The following ACOT11 variants were observed in gnomAD, a reference collection of about 807,000 sequenced individuals.
ACOT11 encodes acyl-CoA thioesterase 11.
A neutral mutation model predicts 77.5 loss-of-function variants in ACOT11; 69 were observed. The observed-to-expected ratio is 0.89, with a 90% CI of 0.73 to 1.09. The LOEUF is 1.09. Among genes scored for constraint, ACOT11 ranks in the 50% least tolerant of loss-of-function variants. The pLI is 0.00. For missense variants in ACOT11, 766 were observed against 813.7 expected (o/e 0.94, Z 0.71); for synonymous variants, 279 against 313.0 (o/e 0.89, Z 1.15).
downstream of ACOT11, chr1:54,610,735 ATAAGCAG>A (rs150199047): frequency 0.035 from 34,171 of 982,214 alleles, 801 homozygotes; most frequent in East Asian, 0.17. Context: ...CCAAGGTCTT[ATAAGCAG>A]TAAGCAAAGT....
chr1:54,596,897 A>G (rs531875432), intron 6 of ACOT11, among the ~76,000 whole-genome samples: 7 of 152,334 alleles, frequency 4.6e-5, no homozygotes, highest in South Asian at 2.1e-4. Context: ...CTTTGTGACA[A>G]TAATCACATT....
In ACOT11 at chr1:54,626,785, C is replaced by A. The variant is rs1330455482; in HGVS notation, c.1630-3949C>A. On this transcript the variant is annotated intron_variant, in intron 15 of 16. Coordinates refer to the ACOT11 transcript ENST00000371316. ...TTACGGTCCATGAGGGCACCCCCTG[C>A]ACAAACCATTCTCATTTTGGAACTG... 1.5e-5 allele frequency among the ~76,000 whole-genome samples: 2 copies of A among 135,464 alleles called. 1 individual carries two copies. The highest frequency in any genetic ancestry group is 3.3e-5 in the Non-Finnish European group (2 of 59,726). The allele number at this position is 135,464 out of a possible 152,430, so 88.9% of individuals were successfully genotyped here.
intron 15 of ACOT11, chr1:54,616,090 G>A (rs772698420): frequency 1.2e-6 from 2 of 1,614,050 alleles, no homozygotes; most frequent in Non-Finnish European, 1.7e-6. Context: ...TAGTGGGGGG[G>A]TGTGCCATGA....
intron 3 of ACOT11, among the ~76,000 whole-genome samples, chr1:54,589,255 G>A (rs1384148216): frequency 5.3e-5 from 8 of 149,734 alleles, no homozygotes; most frequent in Admixed American, 3.3e-4. Context: ...GACCTCAGGT[G>A]ATCTGCTTAC....
chr1:54,604,330 C>G lies in ACOT11; in HGVS notation c.1153-16C>G. The G allele has an allele frequency of 6.2e-7, 1 of 1,612,374 alleles. No homozygotes were observed. The highest frequency in any genetic ancestry group is 8.5e-7 in the Non-Finnish European group (1 of 1,178,924). On this transcript the variant is annotated splice_polypyrimidine_tract_variant and intron_variant, in intron 11 of 15. Transcript: ENST00000343744. ...GAAGGGGGTGGGGTAGTGGTAGCAC[C>G]TGTGTACTCTTTCAGGTGTACCTGA... is the stretch of plus-strand genomic sequence containing the variant.
chr1:54,591,638 A>C (rs1654717510), intron 3 of ACOT11, among the ~76,000 whole-genome samples: 1 of 152,212 alleles, frequency 6.6e-6, no homozygotes, highest in Admixed American at 6.5e-5. Flanking sequence ...TCCTCCCCAC[A>C]GTCCATCAGC....
chr1:54,564,965 C>T (rs1285541102), intron 1 of ACOT11, among the ~76,000 whole-genome samples: 2 of 152,122 alleles, frequency 1.3e-5, no homozygotes, highest in Non-Finnish European at 2.9e-5. Context: ...GAGGAAGGGG[C>T]CCAAGCATAA....
intron 1 of ACOT11, among the ~76,000 whole-genome samples, chr1:54,568,454 T>C (rs1296868678): frequency 7.3e-6 from 1 of 136,980 alleles, no homozygotes; most frequent in Non-Finnish European, 1.5e-5. Flanking sequence ...AACCTCCACC[T>C]CCTGGGTTCA....
chr1:54,609,674 C>G lies in ACOT11; in HGVS notation c.*562C>G. 3 of 1,614,032 alleles carry G rather than the reference C, an allele frequency of 1.9e-6. No individual in the cohort carries two copies. The highest frequency in any genetic ancestry group is 2.5e-6 in the Non-Finnish European group (3 of 1,180,030). On this transcript the variant is annotated 3_prime_UTR_variant, in exon 16 of 16. Transcript: ENST00000343744. ...AGCCACATGGCCGGGGACCGAAAAA[C>G]TCCCGTGGGAGATTTTGGCCCCAAC...
intron 2 of ACOT11, 123 bp from the exon 3 acceptor site, chr1:54,585,712 G>T (rs991434304): frequency 6.0e-6 from 5 of 835,208 alleles, no homozygotes; most frequent in South Asian, 1.6e-5. Context: ...TGGCAGCAGG[G>T]TGTGGTGGGA....
intron 1 of ACOT11, among the ~76,000 whole-genome samples, chr1:54,565,460 C>T (rs1367370671): frequency 6.6e-6 from 1 of 152,196 alleles, no homozygotes; most frequent in Non-Finnish European, 1.5e-5. Flanking sequence ...TGCTGCACTC[C>T]TGCCAGGCTC....
At chr1:54,631,464 T>C (rs1435450785) in intron 16 of ACOT11, among the ~76,000 whole-genome samples, 1 of 152,224 alleles carries the variant, frequency 6.6e-6, no homozygotes, top group Non-Finnish European at 1.5e-5. Flanking sequence ...ACGCTCTTAC[T>C]TGAGCTTGTG....
rs374971961 is a variant in ACOT11 at position 54,609,263 on chromosome 1, G to A, written c.*151G>A. 5.6e-6 allele frequency: 9 copies of A among 1,600,692 alleles called. No individual in the cohort carries two copies. The highest frequency in any genetic ancestry group is 1.1e-5 in the South Asian group (1 of 89,570). ...GAGGTCCGCTGGCCCACCACCCCTG[G>A]GTGCTCAGTTTCTACCAACATGAGC... On this transcript the variant is annotated 3_prime_UTR_variant, in exon 16 of 16. Coordinates refer to ENST00000343744, the MANE Select transcript of ACOT11 (RefSeq NM_147161.4).
rs111816556 is a variant in ACOT11, at chr1:54,560,102, T to C, written c.33+11760T>C. Among the ~76,000 whole-genome samples, 1,345 of 152,226 alleles carry C rather than the reference T, an allele frequency of 8.8e-3. 23 individuals carry two copies. The highest frequency in any genetic ancestry group is 0.031 in the African/African-American group (1,279 of 41,518). ...CTGGGGCAGACCAGAGTCTGACACT[T>C]TGGGGACACAGGGATGAGCCAGACT... On this transcript the variant is annotated intron_variant, in intron 1 of 15. Coordinates refer to ENST00000343744, the MANE Select transcript of ACOT11 (RefSeq NM_147161.4).
chr1:54,554,012 A>G (rs1208982168), intron 1 of ACOT11, among the ~76,000 whole-genome samples: 1 of 152,034 alleles, frequency 6.6e-6, no homozygotes, highest in African/African-American at 2.4e-5. Context: ...GATCTCTACA[A>G]AAACCACAAA....
At chr1:54,612,466 G>A, downstream of ACOT11, 2 of 1,583,340 alleles carry the variant, frequency 1.3e-6, no homozygotes, top group Non-Finnish European at 1.7e-6. Context: ...GAGGGTGGGG[G>A]TGGGTTTGGT....
intron 15 of ACOT11, chr1:54,615,953 T>C (rs1446072465): frequency 9.1e-6 from 14 of 1,541,468 alleles, no homozygotes; most frequent in Non-Finnish European, 8.9e-6. Flanking sequence ...CAGTGAGGGA[T>C]CTCTGCACAT....
At chr1:54,616,463 A>T (rs1159060484) in intron 15 of ACOT11, among the ~76,000 whole-genome samples, 1 of 151,624 alleles carries the variant, frequency 6.6e-6, no homozygotes, top group Non-Finnish European at 1.5e-5. Context: ...TCCCAGTTTC[A>T]AGCAATTCTT....
At chr1:54,623,235 G>T (rs760077940) in intron 15 of ACOT11, 9 of 1,333,772 alleles carry the variant, frequency 6.7e-6, no homozygotes, top group Non-Finnish European at 9.7e-6. Flanking sequence ...AGGAGCGAGC[G>T]ATGAGGGAAG....
Sources: allele counts gnomAD v4.1 joint callset (sites outside exome capture counted in the v4.1 genomes callset), GRCh38; gene constraint gnomAD v4.1.1; transcripts MANE v1.5; gene names NCBI Gene and HGNC (gene_info 2026-07-23, HGNC 2026-07-21).